Variants in KDR observed in about 807,000 individuals in gnomAD.
KDR encodes the protein vascular endothelial growth factor receptor 2.
A neutral mutation model predicts 160.9 loss-of-function variants in KDR; 43 were observed. The ratio of observed to expected loss-of-function variants is 0.27; its 90% CI spans 0.21 to 0.34. The LOEUF is 0.34. KDR is among the 10% of genes least tolerant of loss of function. The pLI is 1.00. For missense variants in KDR, 1,469 were observed against 1,666.4 expected, an observed-to-expected ratio of 0.88 and a Z score of 2.06; for synonymous variants, 617 against 600.1, an observed-to-expected ratio of 1.03 and a Z score of -0.41.
chr4:55,089,463 T>C lies in KDR; in HGVS notation c.3315A>G (p.Pro1105=). Residue 1105 remains proline (P), a synonymous_variant, in exon 25 of 30, where the codon CCA becomes CCG. Transcript: ENST00000263923. ...CTTCATCAATCTTTACCCCAGGATA[T>C]GGAGAAGCACCTAGAATAAAACAGG... ...LWEIFSLGAS[P]YPGVKIDEEF... The C allele has an allele frequency of 6.2e-7, 1 of 1,611,618 alleles. No individual in the cohort carries two copies. The highest frequency in any genetic ancestry group is 8.5e-7 in the Non-Finnish European group (1 of 1,178,066).
At chr4:55,084,953 T>C (rs943106590) in intron 27 of KDR, among the ~76,000 whole-genome samples, 4 of 152,170 alleles carry the variant, frequency 2.6e-5, no homozygotes, top group Non-Finnish European at 4.4e-5. Context: ...AACTCAGGAA[T>C]ACCTAGCTAG....
At chr4:55,098,047 A>T in intron 17 of KDR, 90 bp downstream of exon 17, 1 of 1,507,492 alleles carries the variant, frequency 6.6e-7, no homozygotes, top group East Asian at 2.3e-5. Context: ...AGAATCCAAC[A>T]TCTGAATACA....
Position 55,082,047 on chromosome 4 carries a change from T to C in KDR, c.3763-6A>G, listed in dbSNP as rs778023317. ...CCACTGTCCGTCTGGTTGTCCTTTT[T>C]AAGAGACAATGAGATGGCACAGTTA... On this transcript the variant is annotated splice_polypyrimidine_tract_variant and splice_region_variant and intron_variant, in intron 28 of 29. Transcript: ENST00000263923. The C allele has an allele frequency of 1.3e-4, 200 of 1,597,520 alleles. No individual in the cohort carries two copies. Among genetic ancestry groups the C allele is most frequent in the Non-Finnish European group, 1.6e-4 (191 of 1,165,016 alleles).
intron 17 of KDR, 91 bp from the exon 18 acceptor site, chr4:55,097,857 C>A: frequency 1.1e-6 from 1 of 931,674 alleles, no homozygotes; most frequent in Non-Finnish European, 1.7e-6. Context: ...ATAGGGTGAC[C>A]ATACATCCCA....
chr4:55,121,854 A>C (rs1458905801), intron 1 of KDR, among the ~76,000 whole-genome samples: 1 of 152,140 alleles, frequency 6.6e-6, no homozygotes, highest in Non-Finnish European at 1.5e-5. Flanking sequence ...AATTTTCCCA[A>C]TTTTACACAT....
chr4:55,110,343 A>G, intron 9 of KDR, 60 bp downstream of exon 9: 1 of 1,563,878 alleles, frequency 6.4e-7, no homozygotes. Flanking sequence ...GGTTTGGCTG[A>G]TTTGGAAGAC....
intron 3 of KDR, among the ~76,000 whole-genome samples, chr4:55,116,485 G>A (rs1484980173): frequency 4.0e-5 from 6 of 151,820 alleles, no homozygotes; most frequent in Non-Finnish European, 8.8e-5. Context: ...ACATGCTGCT[G>A]GAAACCTAGT....
intron 16 of KDR, 91 bp downstream of exon 16, chr4:55,098,606 C>T: frequency 2.0e-6 from 2 of 988,276 alleles, no homozygotes; most frequent in East Asian, 2.4e-5. Context: ...GAGCCAATAA[C>T]AATGGGAAGA....
In KDR at chr4:55,092,715, C is replaced by T. The variant is rs762149605; in HGVS notation, c.2972-1G>A. 6.2e-7 allele frequency: 1 copy of T among 1,607,092 alleles called. No individual in the cohort carries two copies. Among genetic ancestry groups the T allele is most frequent in the Admixed American group, 1.7e-5 (1 of 59,994 alleles). The stretch of plus-strand genomic sequence containing the variant: ...AAGTCCTTATACAGATCTTCAGGAG[C>T]TGTCCAAAGAGGCAGGAGGATGGAG... On this transcript the variant is annotated splice_acceptor_variant, in intron 21 of 29. Coordinates refer to ENST00000263923, the MANE Select transcript of KDR (RefSeq NM_002253.4). LOFTEE classifies it high-confidence loss of function.
intron 20 of KDR, 33 bp downstream of exon 20, chr4:55,095,544 A>G (rs753431648): frequency 6.8e-7 from 1 of 1,470,386 alleles, no homozygotes; most frequent in Admixed American, 1.7e-5. Context: ...TCATTTTATA[A>G]CATGGCCAGA....
intron 27 of KDR, among the ~76,000 whole-genome samples, chr4:55,084,665 G>A (rs1242556317): frequency 6.6e-6 from 1 of 152,136 alleles, no homozygotes; most frequent in Non-Finnish European, 1.5e-5. Flanking sequence ...TCAAACTTAG[G>A]CCTTCAGACA....
At chr4:55,123,527 G>C (rs1720950300) in intron 1 of KDR, among the ~76,000 whole-genome samples, 1 of 152,174 alleles carries the variant, frequency 6.6e-6, no homozygotes, top group Admixed American at 6.5e-5. Flanking sequence ...CTATTCTAGA[G>C]ACACGTTTAC....
chr4:55,106,544 A>G (rs962079809), intron 11 of KDR, 143 bp downstream of exon 11: 10 of 683,790 alleles, frequency 1.5e-5, no homozygotes, highest in Non-Finnish European at 2.3e-5. Flanking sequence ...CTAAAAGTCA[A>G]TGGTATTTTC....
In KDR at chr4:55,109,663, A is replaced by G. The variant is rs114900942; in HGVS notation, c.1255+740T>C. Among the ~76,000 whole-genome samples, 1,057 of 152,270 alleles carry G rather than the reference A, an allele frequency of 6.9e-3. 11 individuals are homozygous for G. Among genetic ancestry groups the G allele is most frequent in the African/African-American group, 0.022 (926 of 41,548 alleles). ...TATGTCTCTCCTCCTGGAGAATACCAATATACATTAGCATATAAAAGGTTC... is the reference window on the plus strand; with the variant it reads ...TATGTCTCTCCTCCTGGAGAATACCGATATACATTAGCATATAAAAGGTTC... On this transcript the variant is annotated intron_variant, in intron 9 of 29. Coordinates refer to ENST00000263923, the MANE Select transcript of KDR (RefSeq NM_002253.4).
At chr4:55,100,793 A>G (rs2110019624) in intron 15 of KDR, among the ~76,000 whole-genome samples, 1 of 152,268 alleles carries the variant, frequency 6.6e-6, no homozygotes, top group East Asian at 1.9e-4. Context: ...ACAAGTTAGG[A>G]TGAGTTCATA....
chr4:55,101,429 T>C (rs1030862727), intron 15 of KDR, among the ~76,000 whole-genome samples: 75 of 152,198 alleles, frequency 4.9e-4, no homozygotes, highest in African/African-American at 1.8e-3. Context: ...TCAAAGTGAA[T>C]GTGTGTCTAT....
At chr4:55,108,615 C>T (rs1720500295) in intron 9 of KDR, among the ~76,000 whole-genome samples, 1 of 152,140 alleles carries the variant, frequency 6.6e-6, no homozygotes, top group Non-Finnish European at 1.5e-5. Flanking sequence ...CGTAAACCAC[C>T]TCATGTTAAA....
rs779918284 is a variant in KDR at position 55,079,930 on chromosome 4, G to A, written c.*11C>T. Reference sequence around the variant, plus strand: ...GTGATGTCCAGGAGTTGGGGGTGTGGATGCTTCCTTTTAAACAGGAGGAGA... The same window carrying A: ...GTGATGTCCAGGAGTTGGGGGTGTGAATGCTTCCTTTTAAACAGGAGGAGA... On this transcript the variant is annotated 3_prime_UTR_variant, in exon 30 of 30. Transcript: ENST00000263923. 49 of 1,610,160 alleles carry A rather than the reference G, an allele frequency of 3.0e-5. No individual in the cohort carries two copies. Among genetic ancestry groups the A allele is most frequent in the Non-Finnish European group, 4.2e-5 (49 of 1,176,674 alleles).
intron 20 of KDR, 115 bp downstream of exon 20, chr4:55,095,462 T>C (rs1578130864): frequency 2.6e-6 from 2 of 759,702 alleles, no homozygotes; most frequent in East Asian, 2.5e-5. Flanking sequence ...AGAGGTAATA[T>C]GAGAAGATTC....
Sources: gnomAD v4.1 joint callset for allele counts (sites outside exome capture counted in the v4.1 genomes callset) on GRCh38, gnomAD v4.1.1 for gene constraint, MANE v1.5 for transcripts, NCBI Gene and HGNC (gene_info 2026-07-23, HGNC 2026-07-21) for gene names.